The following CNTNAP2 variants were observed in gnomAD, a reference collection of about 807,000 sequenced individuals.
CNTNAP2 encodes contactin associated protein 2, also known as contactin-associated protein-like 2.
Under a neutral mutation model 155.2 loss-of-function variants are expected in CNTNAP2, and 98 were observed. That is an observed-to-expected ratio of 0.63 (90% confidence interval 0.54 to 0.75). CNTNAP2 has a LOEUF of 0.75. Ranked by LOEUF, CNTNAP2 falls within the 30% of genes least tolerant of loss-of-function variation. CNTNAP2 has a pLI of 0.00. For missense variants in CNTNAP2, 1,727 were observed against 1,688.1 expected, an observed-to-expected ratio of 1.02 and a Z score of -0.40; for synonymous variants, 651 against 631.2, an observed-to-expected ratio of 1.03 and a Z score of -0.47.
intron 1 of CNTNAP2, among the ~76,000 whole-genome samples, chr7:146,636,696 G>A (rs751665162): frequency 4.6e-5 from 7 of 152,114 alleles, no homozygotes; most frequent in Non-Finnish European, 1.0e-4. Context: ...AGAGCATTTC[G>A]TTTCTAGGTC....
chr7:147,395,256 A>G (rs112187576), intron 9 of CNTNAP2, among the ~76,000 whole-genome samples: 2,546 of 152,098 alleles, frequency 0.017, 72 homozygotes, highest in African/African-American at 0.058. Context: ...TTGTGTCCTA[A>G]TCTCTGAGGG....
intron 15 of CNTNAP2, among the ~76,000 whole-genome samples, chr7:148,054,180 G>T (rs192037059): frequency 6.6e-6 from 1 of 152,182 alleles, no homozygotes; most frequent in African/African-American, 2.4e-5. Flanking sequence ...CACCGTGTTA[G>T]CCAGGATGTT....
chr7:146,906,644 C>A (rs904884499), intron 3 of CNTNAP2, among the ~76,000 whole-genome samples: 4 of 152,114 alleles, frequency 2.6e-5, no homozygotes, highest in Admixed American at 2.6e-4. Context: ...CACCGAAAAC[C>A]CATCTGTACA....
chr7:147,441,918 G>T (rs1166461622), intron 10 of CNTNAP2, among the ~76,000 whole-genome samples: 3 of 143,486 alleles, frequency 2.1e-5, no homozygotes, highest in South Asian at 4.7e-4. Flanking sequence ...GCTGGGAGTG[G>T]AATGACGTAA....
chr7:147,439,993 T>C (rs1797610717), intron 10 of CNTNAP2, among the ~76,000 whole-genome samples: 1 of 151,926 alleles, frequency 6.6e-6, no homozygotes, highest in Non-Finnish European at 1.5e-5. Flanking sequence ...TGGCAACAGA[T>C]CATTGGGTCC....
In CNTNAP2 at chr7:147,750,909, G is replaced by A. The variant is rs939894305; in HGVS notation, c.2098+111603G>A. 3.9e-5 allele frequency among the ~76,000 whole-genome samples: 6 copies of A among 151,976 alleles called. No homozygotes were observed. In the South Asian group the frequency reaches 6.2e-4, roughly 16 times the overall value. On this transcript the variant is annotated intron_variant, in intron 13 of 23. Transcript: ENST00000361727. ...AAAACATTTGGCTGGGCATGGTGGT[G>A]GGCGCCTGAAGTCCCAGCTACTCAG...
intron 9 of CNTNAP2, among the ~76,000 whole-genome samples, chr7:147,309,729 A>G (rs1047986942): frequency 2.6e-5 from 4 of 152,068 alleles, no homozygotes; most frequent in Admixed American, 2.6e-4. Context: ...TTTAAAAAAC[A>G]CTTTTTTTAA....
intron 11 of CNTNAP2, among the ~76,000 whole-genome samples, chr7:147,539,461 G>C (rs851828): frequency 6.6e-6 from 1 of 151,968 alleles, no homozygotes. Context: ...CAGGCACTTA[G>C]ACAGTGACGC....
intron 2 of CNTNAP2, among the ~76,000 whole-genome samples, chr7:146,796,267 C>A (rs1275370258): frequency 1.3e-5 from 2 of 152,108 alleles, no homozygotes; most frequent in Non-Finnish European, 2.9e-5. Context: ...ACTGAGACAG[C>A]AGGGTTTGCA....
intron 15 of CNTNAP2, among the ~76,000 whole-genome samples, chr7:148,083,432 A>G (rs547452778): frequency 4.1e-4 from 63 of 152,280 alleles, no homozygotes; most frequent in African/African-American, 1.4e-3. Flanking sequence ...AATGATGCAC[A>G]TTCCGAGGGT....
intron 1 of CNTNAP2, among the ~76,000 whole-genome samples, chr7:146,401,012 T>C (rs1351429349): frequency 2.0e-5 from 3 of 152,292 alleles, no homozygotes; most frequent in Non-Finnish European, 4.4e-5. Context: ...TTGATTGTAA[T>C]GACTAACAAG....
chr7:147,334,657 G>A (rs1795635391), intron 9 of CNTNAP2, among the ~76,000 whole-genome samples: 3 of 152,134 alleles, frequency 2.0e-5, no homozygotes, highest in Non-Finnish European at 4.4e-5. Context: ...GCAGAGCACG[G>A]AAGCTGAGAA....
chr7:147,967,209 T>G (rs1203720431), intron 14 of CNTNAP2, among the ~76,000 whole-genome samples: 1 of 152,182 alleles, frequency 6.6e-6, no homozygotes, highest in African/African-American at 2.4e-5. Flanking sequence ...CAAAGTAAAA[T>G]GTATGTAGTC....
intron 14 of CNTNAP2, among the ~76,000 whole-genome samples, chr7:147,922,756 C>T (rs1426171808): frequency 4.6e-5 from 7 of 152,106 alleles, no homozygotes; most frequent in Admixed American, 3.9e-4. Flanking sequence ...TATCTCAAGT[C>T]TTTATGCAGA....
At chr7:147,199,498 A>G (rs1433781665) in intron 8 of CNTNAP2, among the ~76,000 whole-genome samples, 1 of 152,212 alleles carries the variant, frequency 6.6e-6, no homozygotes, top group East Asian at 1.9e-4. Flanking sequence ...TAATTATTCA[A>G]ACATATAACA....
At chr7:147,317,269 C>G (rs1272464610) in intron 9 of CNTNAP2, among the ~76,000 whole-genome samples, 1 of 152,244 alleles carries the variant, frequency 6.6e-6, no homozygotes, top group Admixed American at 6.5e-5. Flanking sequence ...CTATCTTCCA[C>G]TGACTTTGTC....
chr7:147,712,929 C>T (rs761573325), intron 13 of CNTNAP2, among the ~76,000 whole-genome samples: 3 of 152,102 alleles, frequency 2.0e-5, no homozygotes, highest in African/African-American at 7.2e-5. Context: ...TGTCAGTCCT[C>T]TCTGCCCACC....
chr7:147,737,917 C>T (rs748664116), intron 13 of CNTNAP2, among the ~76,000 whole-genome samples: 4 of 152,212 alleles, frequency 2.6e-5, no homozygotes, highest in Admixed American at 6.5e-5. Context: ...TGCCATTTGT[C>T]GCCCCTTCCC....
At chr7:146,401,966 T>C (rs1186158787) in intron 1 of CNTNAP2, among the ~76,000 whole-genome samples, 1 of 152,174 alleles carries the variant, frequency 6.6e-6, no homozygotes, top group Non-Finnish European at 1.5e-5. Context: ...ATAGCTATAA[T>C]GTAAAAAGCA....
Sources: allele counts gnomAD v4.1 joint callset (sites outside exome capture counted in the v4.1 genomes callset), GRCh38; gene constraint gnomAD v4.1.1; transcripts MANE v1.5; gene names NCBI Gene and HGNC (gene_info 2026-07-23, HGNC 2026-07-21).